Variants in C19orf38 observed in about 807,000 individuals in gnomAD.
C19orf38 encodes protein HIDE1.
In C19orf38, 14 loss-of-function variants were observed where a neutral mutation model predicts 26.6. The observed-to-expected ratio is 0.53, with a 90% CI of 0.35 to 0.82. C19orf38 has a LOEUF of 0.82. Among genes scored for constraint, C19orf38 ranks in the 40% least tolerant of loss-of-function variants. The probability of loss-of-function intolerance (pLI) is 0.01; values close to 1 mark genes in which losing one functional copy is unlikely to be tolerated. For synonymous variants in C19orf38, 132 were observed against 128.5 expected, an observed-to-expected ratio of 1.03 and a Z score of -0.18; for missense variants, 261 against 299.5, an observed-to-expected ratio of 0.87 and a Z score of 0.95.
chr19:10,845,089 G>A (rs996719023), upstream of C19orf38, among the ~76,000 whole-genome samples: 2 of 151,418 alleles, frequency 1.3e-5, no homozygotes, highest in Admixed American at 6.6e-5. Flanking sequence ...CCTGAGAGAT[G>A]GAGACTGCAG....
At chr19:10,852,359 G>A (rs1001523153) in intron 2 of C19orf38, among the ~76,000 whole-genome samples, 1 of 152,136 alleles carries the variant, frequency 6.6e-6, no homozygotes, top group Non-Finnish European at 1.5e-5. Context: ...AGGCGGATGA[G>A]GACAGATGAT....
chr19:10,844,764 C>T (rs1030166189), upstream of C19orf38, among the ~76,000 whole-genome samples: 3 of 150,066 alleles, frequency 2.0e-5, no homozygotes, highest in African/African-American at 7.4e-5. Context: ...AGGAGAATGG[C>T]GTGAACCCAG....
exon 1 of C19orf38, chr19:10,836,759 A>C (rs756495121): frequency 6.5e-6 from 1 of 152,688 alleles, no homozygotes; most frequent in Non-Finnish European, 1.5e-5. Context: ...GCATCAGCGT[A>C]TCAGTTTCCT....
chr19:10,850,445 A>T lies in C19orf38; in HGVS notation c.218A>T (p.Asn73Ile). The T allele has an allele frequency of 6.4e-7, 1 of 1,551,398 alleles. No homozygotes were observed. The highest frequency in any genetic ancestry group is 8.7e-7 in the Non-Finnish European group (1 of 1,146,892). The change falls in exon 2 of 7, where the codon AAC becomes ATC. Residue 73 changes from asparagine (N) to isoleucine (I), a missense_variant. Transcript: ENST00000397820. ...ACGGACCAGCGCGGGGTGACATTTA[A>T]CCTGAGCGGCGGCAGCAGCAAGGCT... The part of the protein sequence containing the change: ...APTDQRGVTF[N>I]LSGGSSKAPG...
At chr19:10,844,289 G>A (rs1240223929), upstream of C19orf38, among the ~76,000 whole-genome samples, 6 of 151,564 alleles carry the variant, frequency 4.0e-5, no homozygotes, top group Admixed American at 1.3e-4. Flanking sequence ...TGTAATCCCC[G>A]CTACTCAGGA....
At chr19:10,866,339 C>T (rs1022615104) in intron 6 of C19orf38, among the ~76,000 whole-genome samples, 2 of 149,700 alleles carry the variant, frequency 1.3e-5, no homozygotes, top group African/African-American at 4.9e-5. Flanking sequence ...TACAGGCGAG[C>T]GCCAGCATGC....
rs539748046 is a variant in C19orf38, at chr19:10,851,942, T to C, written c.340+1375T>C. Among the ~76,000 whole-genome samples, 5 of 136,714 alleles carry C rather than the reference T, an allele frequency of 3.7e-5. No individual in the cohort carries two copies. The South Asian group carries it at 1.1e-3, about 31-fold the overall frequency. 89.7% of individuals were successfully genotyped at this position (136,714 alleles called of 152,430 possible). On this transcript the variant is annotated intron_variant, in intron 2 of 6. Transcript: ENST00000397820. ...GAGATTGCGCCACTGCAGTCCGCAGTCCGGCCTGGGCGACAGAGCGAGACT... is the reference window on the plus strand; with the variant it reads ...GAGATTGCGCCACTGCAGTCCGCAGCCCGGCCTGGGCGACAGAGCGAGACT...
At chr19:10,867,641 CTTTTTTTT>C (rs953156656) in intron 6 of C19orf38, among the ~76,000 whole-genome samples, 4 of 58,824 alleles carry the variant, frequency 6.8e-5, no homozygotes, top group East Asian at 7.3e-4. Flanking sequence ...GAAGAACATT[CTTTTTTTT>C]TTTTTTTTTT....
chr19:10,844,117 A>C (rs2073498036), upstream of C19orf38, among the ~76,000 whole-genome samples: 1 of 152,050 alleles, frequency 6.6e-6, no homozygotes, highest in East Asian at 1.9e-4. Context: ...ATGTCTAAAA[A>C]AAAAAAAGGC....
chr19:10,856,233 C>A, intron 2 of C19orf38, 32 bp from the exon 3 acceptor site: 1 of 1,518,424 alleles, frequency 6.6e-7, no homozygotes, highest in Non-Finnish European at 9.0e-7. Flanking sequence ...ACGACACTGA[C>A]CTGCCCACTC....
intron 6 of C19orf38, among the ~76,000 whole-genome samples, chr19:10,868,827 G>A (rs1161489166): frequency 2.0e-5 from 3 of 152,222 alleles, no homozygotes; most frequent in South Asian, 2.1e-4. Context: ...ATGAATGGTT[G>A]TGTTCACTTA....
intron 1 of C19orf38, among the ~76,000 whole-genome samples, chr19:10,838,710 G>T (rs1169017471): frequency 2.0e-5 from 3 of 152,128 alleles, no homozygotes; most frequent in African/African-American, 7.2e-5. Flanking sequence ...CCAGAAAAAT[G>T]GGTTGCTGGT....
At chr19:10,857,090 C>G (rs2073633478) in intron 3 of C19orf38, among the ~76,000 whole-genome samples, 1 of 151,532 alleles carries the variant, frequency 6.6e-6, no homozygotes, top group African/African-American at 2.4e-5. Flanking sequence ...CACTACCACA[C>G]CTGGCTAATT....
At chr19:10,852,051 C>T (rs909819165) in intron 2 of C19orf38, among the ~76,000 whole-genome samples, 23 of 151,422 alleles carry the variant, frequency 1.5e-4, no homozygotes, top group Non-Finnish European at 3.1e-4. Flanking sequence ...ACTCAGGAGG[C>T]TGAGGCAGGA....
chr19:10,859,662 G>A (rs1352503197), intron 4 of C19orf38, among the ~76,000 whole-genome samples: 1 of 151,966 alleles, frequency 6.6e-6, no homozygotes, highest in Non-Finnish European at 1.5e-5. Flanking sequence ...GGGATTACAG[G>A]CGTGAGCCAC....
At position 10,850,545 on chromosome 19, in the gene C19orf38, G is replaced by A. The variant is rs1373368847; in HGVS notation, c.318G>A (p.Glu106=). The stretch of plus-strand genomic sequence containing the variant: ...AGTCCCAGCTGTCAGACCTCAGCGA[G>A]CCCGTGAACGTCTCCTTCCCAGGTA... The part of the protein sequence containing the change: ...LNQSQLSDLS[E]PVNVSFPVPT... Residue 106 remains glutamate (E), a synonymous_variant, in exon 2 of 7, where the codon GAG becomes GAA. Coordinates refer to ENST00000397820, the MANE Select transcript of C19orf38 (RefSeq NM_001136482.3). 10 of 1,551,588 alleles carry A rather than the reference G, an allele frequency of 6.4e-6. No homozygotes were observed. The highest frequency in any genetic ancestry group is 2.0e-5 in the Admixed American group (1 of 50,980).
At chr19:10,848,304 G>A (rs1024419294), upstream of C19orf38, 3 of 574,796 alleles carry the variant, frequency 5.2e-6, no homozygotes, top group Non-Finnish European at 9.5e-6. Flanking sequence ...CGGGTCTGAT[G>A]TGTGTTTGGG....
chr19:10,850,619 G>T, intron 2 of C19orf38, 52 bp downstream of exon 2: 5 of 1,517,280 alleles, frequency 3.3e-6, no homozygotes, highest in Non-Finnish European at 4.5e-6. Flanking sequence ...TTCTCACATG[G>T]ACCTCTTGTG....
rs538328286 is a variant in C19orf38 at position 10,862,372 on chromosome 19, T to C, written c.506-798T>C. 1.2e-4 allele frequency among the ~76,000 whole-genome samples: 18 copies of C among 152,142 alleles called. No homozygotes were observed. In the South Asian group the frequency reaches 2.1e-3, roughly 18 times the overall value. On this transcript the variant is annotated intron_variant, in intron 5 of 6. Transcript: ENST00000397820. ...GGCATACACCACCACACTCAGCTAC[T>C]TTTTAAATTTTTTTTTCTAGAGACA...
Sources: allele counts gnomAD v4.1 joint callset (sites outside exome capture counted in the v4.1 genomes callset), GRCh38; gene constraint gnomAD v4.1.1; transcripts MANE v1.5; gene names NCBI Gene and HGNC (gene_info 2026-07-23, HGNC 2026-07-21).